Variants in CLEC12A observed in about 807,000 individuals in gnomAD.
CLEC12A encodes the protein C-type lectin protein CLL-1.
In CLEC12A, 22 loss-of-function variants were observed where a neutral mutation model predicts 26.5. That is an observed-to-expected ratio of 0.83 (90% CI 0.59 to 1.19). The LOEUF (loss-of-function observed/expected upper bound fraction) is 1.19. Among genes scored for constraint, CLEC12A ranks in the 50% most tolerant of loss-of-function variants. The probability of loss-of-function intolerance (pLI) is 0.00; values close to 1 mark genes in which losing one functional copy is unlikely to be tolerated. For missense variants in CLEC12A, 353 were observed against 315.6 expected, an observed-to-expected ratio of 1.12 and a Z score of -0.90; for synonymous variants, 119 against 101.9, an observed-to-expected ratio of 1.17 and a Z score of -1.01.
intron 5 of CLEC12A, chr12:9,983,759 T>C: frequency 2.2e-6 from 1 of 457,374 alleles, no homozygotes. Context: ...GCTTTTTCTT[T>C]CACATAGAAA....
intron 1 of CLEC12A, among the ~76,000 whole-genome samples, chr12:9,961,916 C>G (rs982036364): frequency 6.6e-6 from 1 of 152,098 alleles, no homozygotes; most frequent in African/African-American, 2.4e-5. Flanking sequence ...ACACTATTGT[C>G]CTGAAGCTCT....
Position 9,980,627 on chromosome 12 carries a change from A to G in CLEC12A, c.425A>G (p.Asp142Gly). 6.2e-7 allele frequency: 1 copy of G among 1,613,804 alleles called. No individual in the cohort carries two copies. Among genetic ancestry groups the G allele is most frequent in the Non-Finnish European group, 8.5e-7 (1 of 1,179,780 alleles). Residue 142 changes from aspartate to glycine, a missense_variant, in exon 4 of 6, where the codon GAC becomes GGC. Asp to Gly is a moderately conservative substitution (Grantham distance 94, BLOSUM62 -1). Transcript: ENST00000304361. ...CCAAGGAGATGGATTTGGCATAAGG[A>G]CAGCTGTTATTTCCTAAGTGATGAT... ...PCPRRWIWHK[D>G]SCYFLSDDVQ... is the part of the protein sequence containing the mutation.
Position 9,971,544 on chromosome 12 carries a change from A to C in CLEC12A, c.-53A>C. 1 of 1,579,670 alleles carries C rather than the reference A, an allele frequency of 6.3e-7. No homozygotes were observed. The highest frequency in any genetic ancestry group is 1.2e-5 in the South Asian group (1 of 84,658). On this transcript the variant is annotated 5_prime_UTR_variant, in exon 1 of 6. Transcript: ENST00000304361. Reference sequence around the variant, plus strand: ...GTTTAACATTCAGCTCTGTTAACTCACTCATCTTTTTGTGTTTTTACACTT... The same window carrying C: ...GTTTAACATTCAGCTCTGTTAACTCCCTCATCTTTTTGTGTTTTTACACTT...
chr12:10,005,553 T>G, the CLEC12A span, among the ~76,000 whole-genome samples: 1 of 152,246 alleles, frequency 6.6e-6, no homozygotes, highest in Non-Finnish European at 1.5e-5. Flanking sequence ...ATGACAGATT[T>G]ACTATTAAGA....
chr12:10,005,850 T>A, the CLEC12A span, among the ~76,000 whole-genome samples: 2 of 152,228 alleles, frequency 1.3e-5, no homozygotes, highest in Non-Finnish European at 1.5e-5. Context: ...GCTTTCATCT[T>A]CACTTTTCCC....
exon 1 of CLEC12A, chr12:9,951,356 G>C (rs1398503801): frequency 1.4e-6 from 1 of 703,016 alleles, no homozygotes; most frequent in Admixed American, 2.0e-5. Context: ...CATGTGGATA[G>C]GTGAGTGTCT....
At chr12:9,999,460 C>T (rs993934464), downstream of CLEC12A, among the ~76,000 whole-genome samples, 8 of 152,248 alleles carry the variant, frequency 5.3e-5, no homozygotes, top group African/African-American at 7.2e-5. Context: ...TTAGCCCTAG[C>T]TTAGTCTAAA....
chr12:9,969,753 A>G (rs1380442446), upstream of CLEC12A, among the ~76,000 whole-genome samples: 1 of 152,172 alleles, frequency 6.6e-6, no homozygotes, highest in Non-Finnish European at 1.5e-5. Context: ...TTATATGCAA[A>G]TATTTGATCC....
chr12:9,965,877 G>A (rs530951139), intron 1 of CLEC12A, among the ~76,000 whole-genome samples: 14 of 152,260 alleles, frequency 9.2e-5, no homozygotes, highest in African/African-American at 3.4e-4. Flanking sequence ...TGCAGGATCA[G>A]TCGCTAAGGA....
At chr12:9,970,469 T>C (rs559100602), upstream of CLEC12A, among the ~76,000 whole-genome samples, 2 of 152,202 alleles carry the variant, frequency 1.3e-5, no homozygotes, top group Non-Finnish European at 2.9e-5. Flanking sequence ...CATGTGGCAA[T>C]GTCAAGAAGA....
At chr12:9,995,851 G>C (rs1210238880), downstream of CLEC12A, among the ~76,000 whole-genome samples, 1 of 151,872 alleles carries the variant, frequency 6.6e-6, no homozygotes, top group Non-Finnish European at 1.5e-5. Context: ...TTTGTTTCTT[G>C]GCTGTTGCTT....
downstream of CLEC12A, among the ~76,000 whole-genome samples, chr12:9,999,525 G>A (rs1865129953): frequency 6.6e-6 from 1 of 152,164 alleles, no homozygotes; most frequent in Non-Finnish European, 1.5e-5. Flanking sequence ...TAGCTCACCA[G>A]CAGATATATA....
intron 1 of CLEC12A, among the ~76,000 whole-genome samples, chr12:9,973,557 G>C (rs1864217098): frequency 6.6e-6 from 1 of 152,092 alleles, no homozygotes; most frequent in Non-Finnish European, 1.5e-5. Context: ...CCCCAGAGTT[G>C]AATATTGCTG....
upstream of CLEC12A, among the ~76,000 whole-genome samples, chr12:9,970,437 T>C (rs1864087137): frequency 6.6e-6 from 1 of 152,196 alleles, no homozygotes; most frequent in South Asian, 2.1e-4. Context: ...ATAATAATAA[T>C]ACCTAACCAT....
the CLEC12A span, among the ~76,000 whole-genome samples, chr12:10,003,026 A>G: frequency 6.6e-6 from 1 of 152,212 alleles, no homozygotes; most frequent in Non-Finnish European, 1.5e-5. Context: ...AGACAACAAG[A>G]TGTTGACCAC....
chr12:9,976,876 C>T (rs1864358137), intron 1 of CLEC12A, among the ~76,000 whole-genome samples: 1 of 152,100 alleles, frequency 6.6e-6, no homozygotes, highest in Non-Finnish European at 1.5e-5. Flanking sequence ...GTCATGAGAT[C>T]TGATGGTTTT....
intron 1 of CLEC12A, among the ~76,000 whole-genome samples, chr12:9,965,970 A>T: frequency 6.6e-6 from 1 of 152,064 alleles, no homozygotes; most frequent in East Asian, 1.9e-4. Context: ...CCTGGGGGAA[A>T]AGGTGGCAAT....
At chr12:9,995,381 T>C in exon 5 of CLEC12A, 1 of 776,630 alleles carries the variant, frequency 1.3e-6, no homozygotes, top group Non-Finnish European at 2.3e-6. Flanking sequence ...GGATTACATT[T>C]GATGTTTGAA....
intron 1 of CLEC12A, among the ~76,000 whole-genome samples, chr12:9,960,660 G>A (rs1012824047): frequency 6.6e-5 from 10 of 152,136 alleles, no homozygotes; most frequent in African/African-American, 1.2e-4. Flanking sequence ...GACTGAAACC[G>A]GCCCCGTTAT....
Sources: allele counts gnomAD v4.1 joint callset (sites outside exome capture counted in the v4.1 genomes callset), GRCh38; gene constraint gnomAD v4.1.1; transcripts MANE v1.5; gene names NCBI Gene and HGNC (gene_info 2026-07-23, HGNC 2026-07-21).